CCDC91: variants seen among roughly 807,000 people sequenced by gnomAD.
CCDC91 encodes the protein coiled-coil domain-containing protein 91.
Under a neutral mutation model 63.2 loss-of-function variants are expected in CCDC91, and 48 were observed. The observed-to-expected ratio is 0.76, with a 90% CI of 0.60 to 0.97. The LOEUF (loss-of-function observed/expected upper bound fraction) is 0.97. CCDC91 is among the 50% of genes least tolerant of loss of function. The pLI, the probability that CCDC91 is intolerant of heterozygous loss-of-function variation, is 0.00. For synonymous variants in CCDC91, 167 were observed against 165.8 expected, an observed-to-expected ratio of 1.01 and a Z score of -0.06; for missense variants, 500 against 494.6, an observed-to-expected ratio of 1.01 and a Z score of -0.10.
At position 28,261,485 on chromosome 12, in the gene CCDC91, G is replaced by T. The variant is rs373517592; in HGVS notation, c.109+2043G>T. 1.9e-3 allele frequency among the ~76,000 whole-genome samples: 291 copies of T among 152,006 alleles called. 3 individuals are homozygous for T. Among genetic ancestry groups the T allele is most frequent in the African/African-American group, 6.6e-3 (274 of 41,530 alleles). On this transcript the variant is annotated intron_variant, in intron 3 of 12. Coordinates refer to ENST00000536442, the MANE Select transcript of CCDC91 (RefSeq NM_018318.5). The stretch of plus-strand genomic sequence containing the variant: ...GAAATTAGAAGTAGAAAATTTCAAA[G>T]AAGCTATGGGCACTGATGCCAAAGG...
At chr12:28,292,255 C>G (rs1289657815) in intron 3 of CCDC91, among the ~76,000 whole-genome samples, 2 of 152,156 alleles carry the variant, frequency 1.3e-5, no homozygotes, top group South Asian at 4.1e-4. Context: ...CAGCGAATTC[C>G]AACAATGCAA....
intron 8 of CCDC91, among the ~76,000 whole-genome samples, chr12:28,438,643 C>T (rs1949029546): frequency 6.6e-6 from 1 of 152,062 alleles, no homozygotes; most frequent in African/African-American, 2.4e-5. Flanking sequence ...ATGGATGCTC[C>T]CTGACTTAAT....
chr12:28,441,727 C>CATATATATCTCATAT (rs3037232), intron 8 of CCDC91, among the ~76,000 whole-genome samples: 1 of 148,094 alleles, frequency 6.8e-6, no homozygotes, highest in South Asian at 2.1e-4. Flanking sequence ...TCATATATAT[C>CATATATATCTCATAT]ATATATCTCA....
intron 8 of CCDC91, among the ~76,000 whole-genome samples, chr12:28,444,510 C>T (rs775698174): frequency 6.6e-6 from 1 of 152,122 alleles, no homozygotes; most frequent in Non-Finnish European, 1.5e-5. Context: ...ATTAAAAAGA[C>T]AAGATCACGT....
chr12:28,270,796 A>G (rs1413119360), intron 3 of CCDC91, among the ~76,000 whole-genome samples: 1 of 152,116 alleles, frequency 6.6e-6, no homozygotes, highest in East Asian at 1.9e-4. Flanking sequence ...CTAGATTCTC[A>G]TTGGTTATGA....
At chr12:28,456,901 G>C (rs934086706) in intron 11 of CCDC91, among the ~76,000 whole-genome samples, 1 of 152,048 alleles carries the variant, frequency 6.6e-6, no homozygotes, top group Non-Finnish European at 1.5e-5. Context: ...GTTATTTAAA[G>C]CCAAATAAAT....
Position 28,267,903 on chromosome 12 carries a change from T to TA in CCDC91, c.109+8462dup, listed in dbSNP as rs1947424244. Among the ~76,000 whole-genome samples the TA allele has an allele frequency of 1.1e-4, 6 of 57,136 alleles. 1 individual carries two copies. Among genetic ancestry groups the TA allele is most frequent in the African/African-American group, 3.1e-4 (6 of 19,134 alleles). The allele number at this position is 57,136 out of a possible 152,430, so 37.5% of individuals were successfully genotyped here. A position where few individuals can be genotyped will look rare whatever the true frequency, so the allele number is the denominator to read the frequency against. On this transcript the variant is annotated intron_variant, in intron 3 of 12. Transcript: ENST00000536442. ...TATAATTATTATAATTATATATAAT[T>TA]ATATTATATATAATTATTATAATTA...
chr12:28,256,818 A>G (rs1946490539), intron 1 of CCDC91: 2 of 158,506 alleles, frequency 1.3e-5, no homozygotes, highest in Admixed American at 1.3e-4. Flanking sequence ...CAGATTTCCA[A>G]AAACTCACCA....
chr12:28,245,886 A>G (rs1266620819), intron 1 of CCDC91, among the ~76,000 whole-genome samples: 3 of 152,178 alleles, frequency 2.0e-5, no homozygotes, highest in African/African-American at 7.2e-5. Flanking sequence ...GACAAATGTT[A>G]CAACCCAATT....
intron 1 of CCDC91, among the ~76,000 whole-genome samples, chr12:28,232,121 AT>A (rs1325629270): frequency 6.6e-6 from 1 of 152,178 alleles, no homozygotes; most frequent in African/African-American, 2.4e-5. Flanking sequence ...ATCATTTTAT[AT>A]ATCTACCTGT....
intron 1 of CCDC91, among the ~76,000 whole-genome samples, chr12:28,197,237 A>C (rs1379960111): frequency 1.3e-5 from 2 of 152,114 alleles, no homozygotes; most frequent in African/African-American, 4.8e-5. Flanking sequence ...TTAAGGTAGA[A>C]TCTTTGAATT....
chr12:28,381,931 C>T (rs1945320983), intron 7 of CCDC91, among the ~76,000 whole-genome samples: 1 of 152,088 alleles, frequency 6.6e-6, no homozygotes, highest in Non-Finnish European at 1.5e-5. Context: ...TGTATCTGTT[C>T]TGGGGATGGC....
intron 12 of CCDC91, among the ~76,000 whole-genome samples, chr12:28,512,549 A>T (rs140422780): frequency 5.4e-4 from 82 of 152,032 alleles, no homozygotes; most frequent in African/African-American, 1.9e-3. Context: ...TTCTTAAATA[A>T]AGTTCTGTTG....
intron 12 of CCDC91, among the ~76,000 whole-genome samples, chr12:28,498,104 A>G (rs760433351): frequency 1.3e-5 from 2 of 151,658 alleles, no homozygotes; most frequent in African/African-American, 2.4e-5. Context: ...GAACAACTTT[A>G]CATATACCTT....
At chr12:28,307,785 C>T (rs1222565691) in intron 6 of CCDC91, 36 bp downstream of exon 6, 3 of 1,087,082 alleles carry the variant, frequency 2.8e-6, no homozygotes, top group South Asian at 2.7e-5. Flanking sequence ...AAATGTAAGC[C>T]TTTTGATGAA....
At chr12:28,267,276 A>G (rs1008185244) in intron 3 of CCDC91, among the ~76,000 whole-genome samples, 1 of 151,838 alleles carries the variant, frequency 6.6e-6, no homozygotes, top group Admixed American at 6.6e-5. Flanking sequence ...TTATATATAC[A>G]TAGTAATACT....
chr12:28,275,108 A>G (rs1173077432), intron 3 of CCDC91, among the ~76,000 whole-genome samples: 1 of 152,192 alleles, frequency 6.6e-6, no homozygotes, highest in Non-Finnish European at 1.5e-5. Flanking sequence ...AAGGCAAGAA[A>G]TAACTAAGAT....
At chr12:28,427,857 A>T (rs1372212602) in intron 8 of CCDC91, among the ~76,000 whole-genome samples, 1 of 152,170 alleles carries the variant, frequency 6.6e-6, no homozygotes, top group Non-Finnish European at 1.5e-5. Flanking sequence ...ATATGTTTTC[A>T]TTATCTACTT....
intron 1 of CCDC91, among the ~76,000 whole-genome samples, chr12:28,222,579 G>T (rs1944019721): frequency 6.6e-6 from 1 of 152,046 alleles, no homozygotes; most frequent in Non-Finnish European, 1.5e-5. Context: ...ATAAATCATG[G>T]TATTCAGCTG....
Sources: gnomAD v4.1 joint callset for allele counts (sites outside exome capture counted in the v4.1 genomes callset) on GRCh38, gnomAD v4.1.1 for gene constraint, MANE v1.5 for transcripts, NCBI Gene and HGNC (gene_info 2026-07-23, HGNC 2026-07-21) for gene names.